The following NSD1 variants were observed in gnomAD, a reference collection of about 807,000 sequenced individuals.
NSD1 encodes nuclear receptor binding SET domain protein 1.
Under a neutral mutation model 242.7 loss-of-function variants are expected in NSD1, and 26 were observed. That is an observed-to-expected ratio of 0.11 (90% CI 0.08 to 0.15). NSD1 has a LOEUF of 0.15. NSD1 is among the 10% of genes least tolerant of loss of function. The probability of loss-of-function intolerance (pLI) is 1.00; values close to 1 mark genes in which losing one functional copy is unlikely to be tolerated. For missense variants in NSD1, 2,495 were observed against 3,272.8 expected (o/e 0.76, Z 5.80); for synonymous variants, 1,106 against 1,178.1 (o/e 0.94, Z 1.25).
intron 4 of NSD1, among the ~76,000 whole-genome samples, chr5:177,206,127 A>G (rs1461969323): frequency 1.3e-5 from 2 of 151,942 alleles, no homozygotes; most frequent in Non-Finnish European, 2.9e-5. Flanking sequence ...AGCCTCCCAA[A>G]TAGTTGGGAT....
At chr5:177,200,438 T>TA (rs1562192416) in intron 3 of NSD1, among the ~76,000 whole-genome samples, 1 of 152,178 alleles carries the variant, frequency 6.6e-6, no homozygotes. Flanking sequence ...CCTCGCCTAA[T>TA]GTTTTCATTG....
intron 2 of NSD1, among the ~76,000 whole-genome samples, chr5:177,167,284 C>T (rs1367552743): frequency 6.6e-6 from 1 of 151,674 alleles, no homozygotes; most frequent in Non-Finnish European, 1.5e-5. Context: ...CACCTGTAAT[C>T]CCAGCACTTT....
intron 21 of NSD1, among the ~76,000 whole-genome samples, chr5:177,289,296 G>A (rs990789934): frequency 6.6e-6 from 1 of 151,906 alleles, no homozygotes; most frequent in East Asian, 1.9e-4. Flanking sequence ...ACTCTAGCCT[G>A]GGCAACACAG....
chr5:177,236,026 T>A, intron 6 of NSD1, 81 bp downstream of exon 6: 1 of 1,468,878 alleles, frequency 6.8e-7, no homozygotes, highest in Admixed American at 1.7e-5. Flanking sequence ...TTTATCTTCA[T>A]GAAACAATAA....
intron 8 of NSD1, 55 bp from the exon 9 acceptor site, chr5:177,244,139 TA>T: frequency 7.8e-7 from 1 of 1,274,834 alleles, no homozygotes; most frequent in South Asian, 1.2e-5. Flanking sequence ...GCATATAAAG[TA>T]AAGGGTTTAT....
chr5:177,138,952 T>C (rs1028612095), intron 2 of NSD1, among the ~76,000 whole-genome samples: 2 of 148,952 alleles, frequency 1.3e-5, no homozygotes, highest in Non-Finnish European at 3.0e-5. Flanking sequence ...GACTGAGGAC[T>C]TAAAAAGTGA....
At chr5:177,274,074 A>T (rs1391939655) in intron 17 of NSD1, among the ~76,000 whole-genome samples, 2 of 152,072 alleles carry the variant, frequency 1.3e-5, no homozygotes, top group African/African-American at 4.8e-5. Flanking sequence ...GAATTGCTTG[A>T]ACCCGGGAGG....
At chr5:177,138,213 A>G (rs1415005557) in intron 2 of NSD1, among the ~76,000 whole-genome samples, 2 of 152,112 alleles carry the variant, frequency 1.3e-5, no homozygotes, top group Admixed American at 6.5e-5. Flanking sequence ...TCAGGGAGAA[A>G]TTGAAATTGC....
chr5:177,175,721 T>G (rs1232106959), intron 2 of NSD1, among the ~76,000 whole-genome samples: 5 of 152,094 alleles, frequency 3.3e-5, no homozygotes, highest in Non-Finnish European at 7.3e-5. Flanking sequence ...GTCATATCAT[T>G]TAAGCCATAT....
At position 177,185,000 on chromosome 5, in the gene NSD1, G is replaced by A. The variant is rs546676352; in HGVS notation, c.928-6884G>A. On this transcript the variant is annotated intron_variant, in intron 2 of 22. Transcript: ENST00000439151. ...TGTTTTTGTCTTATATATTGCTGTC[G>A]TCTCTTTATAACAACTTAATATTAT... is the stretch of plus-strand genomic sequence containing the variant. Among the ~76,000 whole-genome samples the A allele has an allele frequency of 5.3e-5, 8 of 152,102 alleles. No individual in the cohort carries two copies. The East Asian group carries it at 9.7e-4, about 18-fold the overall frequency.
intron 12 of NSD1, among the ~76,000 whole-genome samples, chr5:177,255,044 C>A (rs922684590): frequency 9.9e-5 from 15 of 152,082 alleles, no homozygotes; most frequent in South Asian, 4.1e-4. Context: ...AGCTACCACG[C>A]CTGTAATCCC....
intron 5 of NSD1, among the ~76,000 whole-genome samples, chr5:177,230,415 T>A (rs1764966151): frequency 6.6e-6 from 1 of 152,196 alleles, no homozygotes; most frequent in South Asian, 2.1e-4. Context: ...TTTTGTGCTA[T>A]CTGCTGGTTT....
rs371974996 is a variant in NSD1 at position 177,228,496 on chromosome 5, C to T, written c.3797-7325C>T. ...CCTCCCAAAGTGCTGGGATTACAGGCGCGAGTCACCAGCCCCGGCCTAGGC... is the reference window on the plus strand; with the variant it reads ...CCTCCCAAAGTGCTGGGATTACAGGTGCGAGTCACCAGCCCCGGCCTAGGC... On this transcript the variant is annotated intron_variant, in intron 5 of 22. Coordinates refer to ENST00000439151, the MANE Select transcript of NSD1 (RefSeq NM_022455.5). Among the ~76,000 whole-genome samples the T allele has an allele frequency of 9.2e-4, 140 of 151,938 alleles. No individual in the cohort carries two copies. The Middle Eastern group carries it at 0.01, about 11-fold the overall frequency.
At chr5:177,212,673 A>G (rs1319214163) in intron 5 of NSD1, among the ~76,000 whole-genome samples, 5 of 151,826 alleles carry the variant, frequency 3.3e-5, no homozygotes, top group Admixed American at 6.6e-5. Context: ...TTGGGACTCA[A>G]TATGTAACTG....
intron 2 of NSD1, among the ~76,000 whole-genome samples, chr5:177,167,712 T>C (rs1562145214): frequency 6.6e-6 from 1 of 152,180 alleles, no homozygotes; most frequent in African/African-American, 2.4e-5. Context: ...GTCTCAGATA[T>C]ACGATGGTTT....
At chr5:177,182,868 C>T (rs1760808187) in intron 2 of NSD1, among the ~76,000 whole-genome samples, 2 of 152,118 alleles carry the variant, frequency 1.3e-5, no homozygotes, top group Admixed American at 1.3e-4. Flanking sequence ...GAACTCCTGA[C>T]CTCAGGTGAT....
intron 2 of NSD1, among the ~76,000 whole-genome samples, chr5:177,183,554 G>A (rs1047832022): frequency 1.3e-5 from 2 of 152,128 alleles, no homozygotes; most frequent in African/African-American, 4.8e-5. Flanking sequence ...GTACAGACAT[G>A]CAATATGTAA....
At chr5:177,198,416 A>T (rs1762264477) in intron 3 of NSD1, among the ~76,000 whole-genome samples, 1 of 152,168 alleles carries the variant, frequency 6.6e-6, no homozygotes, top group African/African-American at 2.4e-5. Context: ...CCTGACTTGT[A>T]GATAACCACC....
intron 5 of NSD1, among the ~76,000 whole-genome samples, chr5:177,224,601 AT>A (rs1764499324): frequency 6.6e-6 from 1 of 150,806 alleles, no homozygotes; most frequent in African/African-American, 2.4e-5. Flanking sequence ...TAGTAATAGT[AT>A]TTTTTTATGA....
Sources: allele counts gnomAD v4.1 joint callset (sites outside exome capture counted in the v4.1 genomes callset), GRCh38; gene constraint gnomAD v4.1.1; transcripts MANE v1.5; gene names NCBI Gene and HGNC (gene_info 2026-07-23, HGNC 2026-07-21).